SLIT2: variants seen among roughly 807,000 people sequenced by gnomAD.
SLIT2 encodes the protein slit guidance ligand 2.
Under a neutral mutation model 185.7 loss-of-function variants are expected in SLIT2, and 41 were observed. That is an observed-to-expected ratio of 0.22 (90% CI 0.17 to 0.29). The LOEUF is 0.29. Ranked by LOEUF, SLIT2 falls within the 10% of genes least tolerant of loss-of-function variation. SLIT2 has a pLI of 1.00. For missense variants in SLIT2, 1,571 were observed against 1,909.0 expected (o/e 0.82, Z 3.30); for synonymous variants, 693 against 680.2 (o/e 1.02, Z -0.29).
rs1722219006 is a variant in SLIT2, at chr4:20,253,726, G to T, written c.-90G>T. 3 of 1,479,948 alleles carry T rather than the reference G, an allele frequency of 2.0e-6. No individual in the cohort carries two copies. Among genetic ancestry groups the T allele is most frequent in the Admixed American group, 3.6e-5 (2 of 54,798 alleles). The allele number at this position is 1,479,948 out of a possible 1,614,324, so 91.7% of individuals were successfully genotyped here. A position where few individuals can be genotyped will look rare whatever the true frequency, so the allele number is the denominator to read the frequency against. On this transcript the variant is annotated 5_prime_UTR_variant, in exon 1 of 37. Coordinates refer to ENST00000504154, the MANE Select transcript of SLIT2 (RefSeq NM_004787.4). ...CACTCTGGGTTGCTAGCCCCGCCGG[G>T]CACTGGGCCTCAGACACTGCGCGGT...
At chr4:20,564,585 G>A (rs1006566977) in intron 26 of SLIT2, among the ~76,000 whole-genome samples, 5 of 151,830 alleles carry the variant, frequency 3.3e-5, no homozygotes, top group Admixed American at 1.3e-4. Flanking sequence ...GGTTTTAAAA[G>A]ATATGAAAAA....
chr4:20,374,643 C>A (rs1723868887), intron 4 of SLIT2, among the ~76,000 whole-genome samples: 2 of 151,834 alleles, frequency 1.3e-5, no homozygotes. Flanking sequence ...TTTTCCTCTT[C>A]TCTCCTTCTC....
intron 33 of SLIT2, among the ~76,000 whole-genome samples, chr4:20,606,913 C>T (rs772012367): frequency 3.9e-5 from 6 of 152,234 alleles, no homozygotes; most frequent in South Asian, 2.1e-4. Flanking sequence ...TGAAAACACA[C>T]GCCATTTGTC....
intron 4 of SLIT2, among the ~76,000 whole-genome samples, chr4:20,287,533 T>A (rs1303530750): frequency 1.3e-5 from 2 of 152,180 alleles, no homozygotes; most frequent in Non-Finnish European, 2.9e-5. Flanking sequence ...TCACCTTAGG[T>A]CTTGGTCCTT....
In SLIT2 at chr4:20,253,578, G is replaced by T. The variant is rs1326580713; in HGVS notation, c.-238G>T. The T allele has an allele frequency of 3.5e-6, 2 of 577,036 alleles. No homozygotes were observed. Among genetic ancestry groups the T allele is most frequent in the Non-Finnish European group, 6.2e-6 (2 of 323,520 alleles). 35.7% of individuals were successfully genotyped at this position (577,036 alleles called of 1,614,324 possible). ...CCCTGGCCAGGCGGATTCATCCTCA[G>T]GACCTAAAGTTGCCCAAGGAGCTCC... On this transcript the variant is annotated 5_prime_UTR_variant, in exon 1 of 37. In the 5' UTR this introduces an upstream ATG that the reference lacks. Coordinates refer to ENST00000504154, the MANE Select transcript of SLIT2 (RefSeq NM_004787.4).
intron 3 of SLIT2, among the ~76,000 whole-genome samples, chr4:20,259,815 T>A (rs752732207): frequency 1.3e-4 from 20 of 151,804 alleles, no homozygotes; most frequent in Admixed American, 2.6e-4. Context: ...CTAATATATA[T>A]GCAGGACTTC....
chr4:20,520,705 A>C (rs914533824), intron 12 of SLIT2, among the ~76,000 whole-genome samples: 1 of 152,164 alleles, frequency 6.6e-6, no homozygotes, highest in Non-Finnish European at 1.5e-5. Flanking sequence ...GCACACACAC[A>C]CCCAAACAAA....
intron 4 of SLIT2, among the ~76,000 whole-genome samples, chr4:20,460,200 C>T (rs181254150): frequency 6.6e-5 from 10 of 151,940 alleles, no homozygotes; most frequent in East Asian, 5.8e-4. Context: ...GCCTCCCTTG[C>T]GCAAACATTT....
chr4:20,552,743 G>C (rs779148185), intron 25 of SLIT2: 2 of 152,084 alleles, frequency 1.3e-5, no homozygotes, highest in Non-Finnish European at 2.9e-5. Flanking sequence ...AAAAAAATAA[G>C]ATAACTATCC....
chr4:20,269,271 G>C (rs1163934190), intron 4 of SLIT2, among the ~76,000 whole-genome samples: 2 of 151,770 alleles, frequency 1.3e-5, no homozygotes, highest in East Asian at 3.9e-4. Flanking sequence ...AGCTTTTTTG[G>C]TATTGTTTCT....
In SLIT2 at chr4:20,511,121, C is replaced by T. The variant is rs368061718; in HGVS notation, c.1042C>T (p.Arg348Cys). 10 of 1,599,444 alleles carry T rather than the reference C, an allele frequency of 6.3e-6. No individual in the cohort carries two copies. The highest frequency in any genetic ancestry group is 7.7e-6 in the Non-Finnish European group (9 of 1,168,236). The change falls in exon 11 of 37, where the codon CGC becomes TGC. Residue 348 changes from arginine (R) to cysteine (C), a missense_variant. Around this residue, in one of 3 missense-constraint regions of SLIT2, gnomAD observed 1,202 missense variants for 1,416.4 expected, o/e 0.85. Coordinates refer to ENST00000504154, the MANE Select transcript of SLIT2 (RefSeq NM_004787.4). ...TGCACCAGATGCTTTCCAAGGACTA[C>T]GCTCTCTGAATTCACTGTAAGTATT... Reference protein sequence around the residue: ...ELAPDAFQGLRSLNSLVLYGN... With the variant: ...ELAPDAFQGLCSLNSLVLYGN...
chr4:20,297,556 G>A (rs1020076265), intron 4 of SLIT2, among the ~76,000 whole-genome samples: 6 of 152,078 alleles, frequency 3.9e-5, no homozygotes, highest in African/African-American at 1.2e-4. Context: ...CTGGAAAATC[G>A]TAATTTTTTG....
intron 28 of SLIT2, 139 bp downstream of exon 28, chr4:20,567,754 C>CAATTTATATTGCAA: frequency 1.5e-6 from 1 of 663,632 alleles, no homozygotes; most frequent in Non-Finnish European, 2.7e-6. Context: ...ATTGGTCCCT[C>CAATTTATATTGCAA]TCGTAGATAT....
intron 4 of SLIT2, among the ~76,000 whole-genome samples, chr4:20,449,216 G>A (rs1042189814): frequency 6.6e-6 from 1 of 152,062 alleles, no homozygotes; most frequent in African/African-American, 2.4e-5. Flanking sequence ...AGAAATCCAG[G>A]TAGGATTATT....
chr4:20,274,731 A>G (rs375989020), intron 4 of SLIT2, among the ~76,000 whole-genome samples: 1 of 145,264 alleles, frequency 6.9e-6, no homozygotes, highest in Non-Finnish European at 1.5e-5. Context: ...AGAATGCAAG[A>G]AAGTTTCTGT....
chr4:20,596,981 T>A (rs1728032076), intron 32 of SLIT2, among the ~76,000 whole-genome samples: 1 of 152,024 alleles, frequency 6.6e-6, no homozygotes, highest in East Asian at 1.9e-4. Context: ...TGGGGGAGGC[T>A]TTTCTTAGGA....
intron 21 of SLIT2, among the ~76,000 whole-genome samples, chr4:20,544,480 A>G (rs1723084251): frequency 2.0e-5 from 3 of 152,262 alleles, no homozygotes; most frequent in African/African-American, 4.8e-5. Context: ...TTTACTACAA[A>G]TTATTAAAAA....
chr4:20,610,297 G>A, intron 34 of SLIT2, 130 bp downstream of exon 34: 3 of 722,216 alleles, frequency 4.2e-6, no homozygotes, highest in Non-Finnish European at 4.2e-6. Context: ...ATTGAAAGAT[G>A]GATGGCAAAG....
At chr4:20,607,899 C>G (rs554677765) in intron 33 of SLIT2, among the ~76,000 whole-genome samples, 1 of 152,232 alleles carries the variant, frequency 6.6e-6, no homozygotes, top group East Asian at 1.9e-4. Context: ...CACTTCTACT[C>G]TCTCCATGTC....
Sources: gnomAD v4.1 joint callset for allele counts (sites outside exome capture counted in the v4.1 genomes callset) on GRCh38, gnomAD v4.1.1 for gene constraint, gnomAD v4.1.1 regional missense constraint, MANE v1.5 for transcripts, NCBI Gene and HGNC (gene_info 2026-07-23, HGNC 2026-07-21) for gene names.